AIG1: variants seen among roughly 807,000 people sequenced by gnomAD.
AIG1 encodes androgen induced 1, also known as androgen-induced gene 1 protein.
In AIG1, 23 loss-of-function variants were observed where a neutral mutation model predicts 31.4. That is an observed-to-expected ratio of 0.73 (90% CI 0.53 to 1.04). The LOEUF (loss-of-function observed/expected upper bound fraction) is 1.04, where lower values mean the gene tolerates loss of function less well. Ranked by LOEUF, AIG1 falls within the 50% of genes least tolerant of loss-of-function variation. The pLI is 0.00. For missense variants in AIG1, 274 were observed against 295.0 expected (o/e 0.93, Z 0.52); for synonymous variants, 100 against 110.5 (o/e 0.90, Z 0.60).
intron 1 of AIG1, among the ~76,000 whole-genome samples, chr6:143,097,764 T>C (rs1276306106): frequency 6.6e-6 from 1 of 152,190 alleles, no homozygotes; most frequent in East Asian, 1.9e-4. Context: ...TTGCTGCTTG[T>C]TTCAGTATAA....
intron 2 of AIG1, among the ~76,000 whole-genome samples, chr6:143,155,100 C>G (rs544431080): frequency 6.6e-6 from 1 of 150,994 alleles, no homozygotes; most frequent in South Asian, 2.1e-4. Flanking sequence ...CTCAAATGAT[C>G]CACCCACCTC....
chr6:143,309,872 C>T (rs1398270267), intron 4 of AIG1, among the ~76,000 whole-genome samples: 7 of 151,868 alleles, frequency 4.6e-5, no homozygotes, highest in Non-Finnish European at 1.0e-4. Flanking sequence ...ACAAAGCATA[C>T]TTTGAACAAG....
At chr6:143,133,342 G>T (rs909464715) in intron 1 of AIG1, among the ~76,000 whole-genome samples, 1 of 152,194 alleles carries the variant, frequency 6.6e-6, no homozygotes, top group South Asian at 2.1e-4. Flanking sequence ...CTGAATGCCT[G>T]TTGTAGACAA....
At chr6:143,265,675 G>T (rs186432862) in intron 3 of AIG1, among the ~76,000 whole-genome samples, 2 of 152,292 alleles carry the variant, frequency 1.3e-5, no homozygotes, top group African/African-American at 4.8e-5. Flanking sequence ...GGCAAGAGCT[G>T]AACACAATAT....
At chr6:143,114,407 T>C (rs751679193) in intron 1 of AIG1, among the ~76,000 whole-genome samples, 4 of 152,218 alleles carry the variant, frequency 2.6e-5, no homozygotes, top group Non-Finnish European at 5.9e-5. Context: ...AGTTACATGT[T>C]TTCAAGAAGT....
chr6:143,272,965 C>T (rs1008857267), intron 3 of AIG1, among the ~76,000 whole-genome samples: 40 of 152,250 alleles, frequency 2.6e-4, no homozygotes, highest in African/African-American at 9.4e-4. Context: ...CCCATTTCTA[C>T]TAAAAATACA....
At chr6:143,130,329 A>G (rs1485308503) in intron 1 of AIG1, among the ~76,000 whole-genome samples, 1 of 152,166 alleles carries the variant, frequency 6.6e-6, no homozygotes, top group African/African-American at 2.4e-5. Flanking sequence ...AAAGAAAAAT[A>G]TATCTCTACA....
rs1795408500 is a variant in AIG1 at position 143,256,867 on chromosome 6, G to C, written c.400-27243G>C. Among the ~76,000 whole-genome samples, 1 of 151,994 alleles carries C rather than the reference G, an allele frequency of 6.6e-6. No individual in the cohort carries two copies. The highest frequency in any genetic ancestry group is 6.6e-5 in the Admixed American group (1 of 15,266). ...CTGACTCTTGTAAAAATGTCAGTAG[G>C]GTAAAAATGTCAATAGGGGATGCAA... On this transcript the variant is annotated intron_variant, in intron 3 of 5. Coordinates refer to ENST00000357847, the MANE Select transcript of AIG1 (RefSeq NM_016108.4). The surrounding 1 kb of genome is among the most constrained non-coding windows in gnomAD (Gnocchi z 4.6).
At chr6:143,079,925 C>T (rs1778068559) in intron 1 of AIG1, among the ~76,000 whole-genome samples, 1 of 152,028 alleles carries the variant, frequency 6.6e-6, no homozygotes, top group Admixed American at 6.6e-5. Context: ...CTGCCCCATG[C>T]TCTCTGGCGA....
At chr6:143,303,118 G>C (rs1267675850) in intron 4 of AIG1, among the ~76,000 whole-genome samples, 1 of 152,000 alleles carries the variant, frequency 6.6e-6, no homozygotes, top group Admixed American at 6.5e-5. Flanking sequence ...GTAGATTCTG[G>C]ATATTAGCCC....
chr6:143,145,846 G>T (rs1784656990), intron 2 of AIG1, among the ~76,000 whole-genome samples: 3 of 152,128 alleles, frequency 2.0e-5, no homozygotes, highest in Non-Finnish European at 4.4e-5. Context: ...ATACAGTAAA[G>T]TTGATAAGAC....
chr6:143,300,656 A>G (rs1047182343), intron 4 of AIG1, among the ~76,000 whole-genome samples: 4 of 152,254 alleles, frequency 2.6e-5, no homozygotes, highest in Admixed American at 6.5e-5. Flanking sequence ...TTGACCATGT[A>G]TACTTCTAAA....
chr6:143,327,374 G>T lies in AIG1; in HGVS notation c.516-5908G>T. On this transcript the variant is annotated intron_variant, in intron 4 of 5. Coordinates refer to ENST00000357847, the MANE Select transcript of AIG1 (RefSeq NM_016108.4). The surrounding 1 kb of genome is among the most constrained non-coding windows in gnomAD (Gnocchi z 5.3). ...ATACACCATCAACATTCACAAGCGC[G>T]TCCATGGAGTGGGCTTCAAGAAGTC... The T allele has an allele frequency of 3.3e-6, 1 of 299,222 alleles. No homozygotes were observed. Among genetic ancestry groups the T allele is most frequent in the Non-Finnish European group, 6.4e-6 (1 of 155,788 alleles). The allele number at this position is 299,222 out of a possible 1,614,324, so 18.5% of individuals were successfully genotyped here.
intron 4 of AIG1, among the ~76,000 whole-genome samples, chr6:143,310,219 C>T (rs1381834682): frequency 1.3e-5 from 2 of 151,846 alleles, no homozygotes; most frequent in Non-Finnish European, 3.0e-5. Flanking sequence ...GTAGGACATT[C>T]ACCAATATCA....
chr6:143,227,098 T>C (rs1442617364), intron 3 of AIG1, among the ~76,000 whole-genome samples: 2 of 151,602 alleles, frequency 1.3e-5, no homozygotes, highest in African/African-American at 4.8e-5. Flanking sequence ...AGCCAAAAGA[T>C]TGGACACCCA....
At chr6:143,075,704 T>C (rs1214302540) in intron 1 of AIG1, among the ~76,000 whole-genome samples, 1 of 152,228 alleles carries the variant, frequency 6.6e-6, no homozygotes, top group Non-Finnish European at 1.5e-5. Context: ...GCTTACATGA[T>C]TAATATGAAC....
chr6:143,082,822 T>C (rs763854614), intron 1 of AIG1, among the ~76,000 whole-genome samples: 8 of 152,192 alleles, frequency 5.3e-5, no homozygotes, highest in Non-Finnish European at 1.0e-4. Flanking sequence ...CTGTGACATA[T>C]AAAGAAAAGT....
chr6:143,342,453 A>G (rs1777876934), downstream of AIG1: 7 of 769,258 alleles, frequency 9.1e-6, no homozygotes, highest in Admixed American at 1.2e-4. Flanking sequence ...CACGGCAACA[A>G]GTGGTGAAGC....
intron 1 of AIG1, 62 bp from the exon 2 acceptor site, chr6:143,136,773 G>T: frequency 7.7e-7 from 1 of 1,291,030 alleles, no homozygotes; most frequent in African/African-American, 1.5e-5. Context: ...CAGCTCATTT[G>T]CTGTTCCACA....
Sources: gnomAD v4.1 joint callset for allele counts (sites outside exome capture counted in the v4.1 genomes callset) on GRCh38, gnomAD v4.1.1 for gene constraint, Gnocchi (gnomAD v3.1) non-coding constraint, MANE v1.5 for transcripts, NCBI Gene and HGNC (gene_info 2026-07-23, HGNC 2026-07-21) for gene names.